Variants in CSMD1 observed in about 807,000 individuals in gnomAD.
The protein encoded by CSMD1 is CUB and Sushi multiple domains 1, also known as CUB and sushi domain-containing protein 1.
In CSMD1, 213 loss-of-function variants were observed where a neutral mutation model predicts 417.5. The ratio of observed to expected loss-of-function variants is 0.51; its 90% CI spans 0.46 to 0.57. The LOEUF is 0.57. Among genes scored for constraint, CSMD1 ranks in the 20% least tolerant of loss-of-function variants. The pLI, the probability that CSMD1 is intolerant of heterozygous loss-of-function variation, is 0.00. For synonymous variants in CSMD1, 2,862 were observed against 1,736.8 expected (o/e 1.65, Z -16.11); for missense variants, 6,923 against 4,529.7 (o/e 1.53, Z -15.17).
chr8:3,394,105 G>A (rs1459993811), intron 17 of CSMD1, among the ~76,000 whole-genome samples: 1 of 139,480 alleles, frequency 7.2e-6, no homozygotes, highest in African/African-American at 2.6e-5. Flanking sequence ...GGGTACTCCA[G>A]GTGATGGAAG....
intron 21 of CSMD1, among the ~76,000 whole-genome samples, chr8:3,354,775 T>C (rs112645705): frequency 0.025 from 3,353 of 133,608 alleles, 136 homozygotes; most frequent in African/African-American, 0.091. Context: ...ATATACAGTT[T>C]AGTGATATAT....
At chr8:3,574,913 A>G in intron 10 of CSMD1, 32 bp downstream of exon 10, 2 of 1,609,262 alleles carry the variant, frequency 1.2e-6, no homozygotes, top group African/African-American at 1.3e-5. Flanking sequence ...TGCTGTGTGC[A>G]TTAACCACAG....
chr8:4,366,992 G>C (rs1457203841), intron 3 of CSMD1, among the ~76,000 whole-genome samples: 1 of 152,064 alleles, frequency 6.6e-6, no homozygotes, highest in Non-Finnish European at 1.5e-5. Context: ...CCATTCTGGA[G>C]GTTGTCTGCT....
chr8:4,730,853 G>C (rs760724599), intron 1 of CSMD1, among the ~76,000 whole-genome samples: 2 of 152,152 alleles, frequency 1.3e-5, no homozygotes, highest in African/African-American at 2.4e-5. Context: ...AGAAATAAGA[G>C]CCGTAACGAG....
intron 4 of CSMD1, among the ~76,000 whole-genome samples, chr8:4,020,218 G>A (rs1444055669): frequency 6.6e-6 from 1 of 152,176 alleles, no homozygotes; most frequent in Non-Finnish European, 1.5e-5. Flanking sequence ...AGGCCAGACA[G>A]ATTAAATAAA....
chr8:3,462,019 A>T (rs967791028), intron 12 of CSMD1, among the ~76,000 whole-genome samples: 1 of 152,144 alleles, frequency 6.6e-6, no homozygotes, highest in African/African-American at 2.4e-5. Flanking sequence ...GGCCAGTCAG[A>T]ATCCTAGAGA....
At chr8:3,644,117 C>A (rs1438977570) in intron 7 of CSMD1, among the ~76,000 whole-genome samples, 1 of 152,202 alleles carries the variant, frequency 6.6e-6, no homozygotes, top group Admixed American at 6.5e-5. Context: ...ATCACCATCA[C>A]CTGGGAAGTT....
intron 30 of CSMD1, among the ~76,000 whole-genome samples, chr8:3,213,938 C>G (rs1797751452): frequency 6.6e-6 from 1 of 151,644 alleles, no homozygotes; most frequent in Non-Finnish European, 1.5e-5. Flanking sequence ...GCTCACTGCC[C>G]AGGTTCAAGC....
chr8:4,671,888 A>G (rs918460477), intron 1 of CSMD1, among the ~76,000 whole-genome samples: 2 of 152,094 alleles, frequency 1.3e-5, no homozygotes, highest in Non-Finnish European at 2.9e-5. Context: ...AGAAGATAGA[A>G]ACCCTCCACT....
chr8:3,936,703 T>C (rs1358582369), intron 5 of CSMD1, among the ~76,000 whole-genome samples: 2 of 152,178 alleles, frequency 1.3e-5, no homozygotes, highest in Non-Finnish European at 2.9e-5. Flanking sequence ...CTGACAGAGA[T>C]CTACTAGGAG....
intron 2 of CSMD1, among the ~76,000 whole-genome samples, chr8:4,528,862 G>C (rs1274243235): frequency 2.0e-5 from 3 of 151,770 alleles, no homozygotes; most frequent in Non-Finnish European, 4.4e-5. Context: ...CTAAGAAAAG[G>C]TATAGTACTA....
At chr8:3,301,891 C>T (rs1367880365) in intron 25 of CSMD1, among the ~76,000 whole-genome samples, 2 of 152,062 alleles carry the variant, frequency 1.3e-5, no homozygotes, top group Non-Finnish European at 2.9e-5. Flanking sequence ...AGAAAGGAAA[C>T]ATAAAGAGAT....
At chr8:2,990,741 T>G (rs189038011) in intron 54 of CSMD1, among the ~76,000 whole-genome samples, 2 of 152,208 alleles carry the variant, frequency 1.3e-5, no homozygotes, top group Non-Finnish European at 2.9e-5. Context: ...TAAGATGCTC[T>G]CTACCCTGGA....
At chr8:3,586,318 G>GAAAAAA (rs34200940) in intron 8 of CSMD1, 58 bp from the exon 9 acceptor site, 2 of 1,107,280 alleles carry the variant, frequency 1.8e-6, no homozygotes, top group Non-Finnish European at 2.4e-6. Flanking sequence ...ACTTCTTTAG[G>GAAAAAA]AAAAAAAAAA....
At chr8:4,193,728 A>C (rs1401238435) in intron 3 of CSMD1, among the ~76,000 whole-genome samples, 2 of 152,170 alleles carry the variant, frequency 1.3e-5, no homozygotes, top group African/African-American at 4.8e-5. Context: ...CCACGTCTCC[A>C]CAGGAGAATG....
intron 26 of CSMD1, among the ~76,000 whole-genome samples, chr8:3,236,470 G>A (rs755204203): frequency 9.9e-5 from 15 of 152,150 alleles, no homozygotes; most frequent in Non-Finnish European, 1.8e-4. Flanking sequence ...AAACAATGTA[G>A]TGCAGAATAC....
intron 5 of CSMD1, among the ~76,000 whole-genome samples, chr8:3,975,155 C>T (rs1356862565): frequency 6.6e-6 from 1 of 152,158 alleles, no homozygotes; most frequent in East Asian, 1.9e-4. Context: ...GAGAGGCATG[C>T]CTCATCTTAC....
chr8:2,939,846 C>A (rs1214569280), intron 69 of CSMD1, among the ~76,000 whole-genome samples: 2 of 152,196 alleles, frequency 1.3e-5, no homozygotes, highest in African/African-American at 4.8e-5. Context: ...ACAAATCCAG[C>A]CCCTCGTCAA....
chr8:3,481,946 A>G (rs1280488580), intron 11 of CSMD1, among the ~76,000 whole-genome samples: 1 of 152,242 alleles, frequency 6.6e-6, no homozygotes, highest in African/African-American at 2.4e-5. Flanking sequence ...ATTCTATAGT[A>G]ACAGTAGGAA....
Sources: gnomAD v4.1 joint callset for allele counts (sites outside exome capture counted in the v4.1 genomes callset) on GRCh38, gnomAD v4.1.1 for gene constraint, MANE v1.5 for transcripts, NCBI Gene and HGNC (gene_info 2026-07-23, HGNC 2026-07-21) for gene names.